FBN2: variants seen among roughly 807,000 people sequenced by gnomAD.
FBN2 encodes the protein fibrillin 2.
Under a neutral mutation model 355.6 loss-of-function variants are expected in FBN2, and 105 were observed. That is an observed-to-expected ratio of 0.30 (90% CI 0.25 to 0.35). FBN2 has a LOEUF of 0.35. FBN2 is among the 10% of genes least tolerant of loss of function. FBN2 has a pLI of 1.00. For missense variants in FBN2, 3,280 were observed against 3,758.7 expected (o/e 0.87, Z 3.33); for synonymous variants, 1,350 against 1,301.2 (o/e 1.04, Z -0.81).
intron 58 of FBN2, among the ~76,000 whole-genome samples, chr5:128,277,553 G>A (rs1241625417): frequency 6.6e-6 from 1 of 152,124 alleles, no homozygotes; most frequent in Non-Finnish European, 1.5e-5. Context: ...AATATAAAAT[G>A]TTGAAAGTAT....
At chr5:128,440,871 T>A (rs1026919377) in intron 7 of FBN2, among the ~76,000 whole-genome samples, 1 of 152,188 alleles carries the variant, frequency 6.6e-6, no homozygotes, top group Non-Finnish European at 1.5e-5. Flanking sequence ...GAGAGAAACG[T>A]TTACTTTTTC....
chr5:128,304,670 G>T (rs1749818039), intron 45 of FBN2, among the ~76,000 whole-genome samples: 1 of 152,112 alleles, frequency 6.6e-6, no homozygotes, highest in African/African-American at 2.4e-5. Context: ...GGCTCAGAGG[G>T]TTTTTTCTTG....
At chr5:128,285,011 G>C (rs1206780938) in intron 55 of FBN2, among the ~76,000 whole-genome samples, 2 of 152,116 alleles carry the variant, frequency 1.3e-5, no homozygotes, top group Non-Finnish European at 2.9e-5. Context: ...GTAAAAAAAT[G>C]TTCTACTTAT....
chr5:128,328,839 T>C lies in FBN2; in HGVS notation c.4346-18A>G. 1 of 1,613,936 alleles carries C rather than the reference T, an allele frequency of 6.2e-7. No individual in the cohort carries two copies. Among genetic ancestry groups the C allele is most frequent in the Non-Finnish European group, 8.5e-7 (1 of 1,179,894 alleles). ...ATCAACATCTGTGCAAAAAAGCAAA[T>C]TACATCTCTGTTAAGTTCCAAATTT... On this transcript the variant is annotated intron_variant, in intron 33 of 64. Coordinates refer to ENST00000262464, the MANE Select transcript of FBN2 (RefSeq NM_001999.4).
At chr5:128,450,824 C>G (rs901798725) in intron 6 of FBN2, among the ~76,000 whole-genome samples, 5 of 152,030 alleles carry the variant, frequency 3.3e-5, no homozygotes, top group Non-Finnish European at 5.9e-5. Flanking sequence ...TTGTTACACT[C>G]TCTTCAAACT....
chr5:128,336,206 G>A (rs1750837239), intron 27 of FBN2, 93 bp from the exon 28 acceptor site: 2 of 1,275,654 alleles, frequency 1.6e-6, no homozygotes, highest in African/African-American at 2.9e-5. Context: ...TCTCCAAAGG[G>A]GTTTGTGTAC....
chr5:128,388,399 A>T (rs331071), intron 11 of FBN2, among the ~76,000 whole-genome samples: 25,593 of 152,178 alleles, frequency 0.17, 2,447 homozygotes, highest in Non-Finnish European at 0.22. Context: ...GGAGGTTGTT[A>T]TACAGATTTA....
intron 15 of FBN2, among the ~76,000 whole-genome samples, chr5:128,372,724 T>G (rs899380247): frequency 1.3e-5 from 2 of 152,146 alleles, no homozygotes; most frequent in Non-Finnish European, 2.9e-5. Context: ...ACTCCTGAGC[T>G]CAAGCAATCT....
At chr5:128,350,783 T>A (rs75495030) in intron 21 of FBN2, 85 bp downstream of exon 21, 2 of 1,491,464 alleles carry the variant, frequency 1.3e-6, no homozygotes, top group African/African-American at 2.8e-5. Context: ...CCTTCTTCAC[T>A]AAGGAACTGC....
Position 128,263,475 on chromosome 5 carries a change from C to G in FBN2, c.8142G>C (p.Glu2714Asp). 1 of 1,614,138 alleles carries G rather than the reference C, an allele frequency of 6.2e-7. No individual in the cohort carries two copies. The highest frequency in any genetic ancestry group is 8.5e-7 in the Non-Finnish European group (1 of 1,179,994). ...NPCNYGCSNT[E>D]GGYLCGCPPG... ...GGGGGCAGCCACAGAGGTAGCCCCC[C>G]TCCGTGTTAGAGCAGCCGTAATTGC... The change falls in exon 63 of 65, where the codon GAG becomes GAC. Residue 2714 changes from glutamate to aspartate, a missense_variant. By Grantham distance (45) the Glu-to-Asp change is conservative (BLOSUM62 2). Coordinates refer to ENST00000262464, the MANE Select transcript of FBN2 (RefSeq NM_001999.4).
intron 13 of FBN2, among the ~76,000 whole-genome samples, 176 bp downstream of exon 13, chr5:128,377,575 CA>C (rs1344107629): frequency 3.3e-5 from 5 of 149,996 alleles, no homozygotes; most frequent in African/African-American, 1.2e-4. Context: ...AAAAAACAAA[CA>C]AAAAACCTGT....
chr5:128,258,958 TA>T lies in FBN2; in HGVS notation c.*496del, dbSNP rs561943370. 1.7e-4 allele frequency: 27 copies of T among 158,110 alleles called. No homozygotes were observed. The highest frequency in any genetic ancestry group is 3.6e-4 in the South Asian group (2 of 5,544). The allele number at this position is 158,110 out of a possible 1,614,324, so 9.8% of individuals were successfully genotyped here. A position where few individuals can be genotyped will look rare whatever the true frequency, so the allele number is the denominator to read the frequency against. On this transcript the variant is annotated 3_prime_UTR_variant, in exon 65 of 65. Coordinates refer to ENST00000262464, the MANE Select transcript of FBN2 (RefSeq NM_001999.4). Reference sequence around the variant, plus strand: ...CTATTGGATTTTTAAAAAGCACCTCTAAAAAAAATAGCTCAAATTTATAAAT... The same window carrying T: ...CTATTGGATTTTTAAAAAGCACCTCTAAAAAAATAGCTCAAATTTATAAAT...
At chr5:128,528,178 A>G (rs929592757) in intron 3 of FBN2, among the ~76,000 whole-genome samples, 5 of 152,134 alleles carry the variant, frequency 3.3e-5, no homozygotes, top group African/African-American at 9.7e-5. Context: ...TTCAGGATGC[A>G]TTGAAAACAC....
chr5:128,333,275 G>T (rs1750741610), intron 31 of FBN2, among the ~76,000 whole-genome samples: 1 of 152,170 alleles, frequency 6.6e-6, no homozygotes. Flanking sequence ...GTAGAAGAGA[G>T]AGAGACACAG....
intron 5 of FBN2, among the ~76,000 whole-genome samples, chr5:128,473,020 G>A (rs1561473823): frequency 1.3e-5 from 2 of 152,104 alleles, no homozygotes; most frequent in Non-Finnish European, 2.9e-5. Flanking sequence ...CACGCCCCTC[G>A]TGATGGATAT....
In FBN2 at chr5:128,446,618, A is replaced by G. The variant is rs2127057022; in HGVS notation, c.827-12T>C. ...GCATTCATCAACATCTGCAAGAAGA[A>G]AACATTTTGAACACAGATGACACTG... On this transcript the variant is annotated splice_polypyrimidine_tract_variant and intron_variant, in intron 6 of 64. Transcript: ENST00000262464. 6.2e-7 allele frequency: 1 copy of G among 1,613,104 alleles called. No homozygotes were observed. Among genetic ancestry groups the G allele is most frequent in the African/African-American group, 1.3e-5 (1 of 75,048 alleles).
chr5:128,444,197 C>T (rs182958296), intron 7 of FBN2, among the ~76,000 whole-genome samples: 1 of 151,560 alleles, frequency 6.6e-6, no homozygotes, highest in African/African-American at 2.4e-5. Flanking sequence ...CTCAGCCTCC[C>T]GAGTAGCTGG....
Position 128,351,180 on chromosome 5 carries a change from C to G in FBN2, c.2675-175G>C, listed in dbSNP as rs79743933. Among the ~76,000 whole-genome samples the G allele has an allele frequency of 4.5e-3, 678 of 149,868 alleles. 14 individuals are homozygous for G. In the East Asian group the frequency reaches 0.089, roughly 20 times the overall value. On this transcript the variant is annotated intron_variant, in intron 20 of 64. Transcript: ENST00000262464. ...GAAGGATCATTTGAGCCCAGGAGTT[C>G]GATACCAGCCTGGGAAAATAGCAAA...
At position 128,280,337 on chromosome 5, in the gene FBN2, A is replaced by G. The variant is rs1433467841; in HGVS notation, c.7013-20T>C. On this transcript the variant is annotated intron_variant, in intron 55 of 64. Transcript: ENST00000262464. ...TTTCATCTTTAGAAAAACAAACAAT[A>G]TGAATAATGAGAAAACTGTCAAATT... 2 of 1,589,408 alleles carry G rather than the reference A, an allele frequency of 1.3e-6. No individual in the cohort carries two copies. The highest frequency in any genetic ancestry group is 1.7e-6 in the Non-Finnish European group (2 of 1,158,926).
Sources: gnomAD v4.1 joint callset for allele counts (sites outside exome capture counted in the v4.1 genomes callset) on GRCh38, gnomAD v4.1.1 for gene constraint, MANE v1.5 for transcripts, NCBI Gene and HGNC (gene_info 2026-07-23, HGNC 2026-07-21) for gene names.